CDKN2D: variants seen among roughly 807,000 people sequenced by gnomAD.
CDKN2D encodes the protein cyclin dependent kinase inhibitor 2D.
CDKN2D carries 3 observed loss-of-function variants against 4.7 expected under a neutral mutation model. The ratio of observed to expected loss-of-function variants is 0.64; its 90% CI spans 0.29 to 1.66. The LOEUF is 1.66. Among genes scored for constraint, CDKN2D ranks in the 40% most tolerant of loss-of-function variants. The pLI is 0.10. For missense variants in CDKN2D, 196 were observed against 230.9 expected (o/e 0.85, Z 0.98); for synonymous variants, 91 against 102.3 (o/e 0.89, Z 0.67).
Position 10,568,578 on chromosome 19 carries a change from G to A in CDKN2D, c.76C>T (p.Arg26Cys), listed in dbSNP as rs1328991261. 6.7e-7 allele frequency: 1 copy of A among 1,502,452 alleles called. No individual in the cohort carries two copies. Among genetic ancestry groups the A allele is most frequent in the Non-Finnish European group, 8.8e-7 (1 of 1,130,438 alleles). 93.1% of individuals were successfully genotyped at this position (1,502,452 alleles called of 1,614,324 possible). ...TGCACCAGCTCCCGGTGCAGAAGGC[G>A]GCGCACCTCCTGCACGTCGCCCCGG... ...AARGDVQEVR[R>C]LLHRELVHPD... Residue 26 changes from arginine (R) to cysteine (C), a missense_variant, in exon 1 of 2, where the codon CGC (arginine) becomes TGC (cysteine). Transcript: ENST00000393599.
Position 10,567,402 on chromosome 19 carries a change from T to C in CDKN2D, c.157A>G (p.Ser53Gly). Residue 53 changes from serine (S) to glycine (G), a missense_variant, in exon 2 of 2, where the codon AGC becomes GGC. Coordinates refer to ENST00000393599, the MANE Select transcript of CDKN2D (RefSeq NM_001800.4). ...AGCAGCTCCAGGGCGATGGCGGTGC[T>C]GCCAAACATCATGACCTGTGTGAGG... ...KTALQVMMFG[S>G]TAIALELLKQ... 1.2e-6 allele frequency: 2 copies of C among 1,613,420 alleles called. No homozygotes were observed. Among genetic ancestry groups the C allele is most frequent in the Non-Finnish European group, 1.7e-6 (2 of 1,179,642 alleles).
At chr19:10,567,513 C>T in intron 1 of CDKN2D, 96 bp from the exon 2 acceptor site, 1 of 1,397,344 alleles carries the variant, frequency 7.2e-7, no homozygotes, top group Non-Finnish European at 9.7e-7. Context: ...AGAGGCATCT[C>T]CCAGAAACAG....
rs182837231 is a variant in CDKN2D at position 10,566,790 on chromosome 19, G to C, written c.*268C>G. On this transcript the variant is annotated 3_prime_UTR_variant, in exon 2 of 2. Transcript: ENST00000393599. ...TTGGGTCTCGTCTGAGGCCCCAGCA[G>C]CCTGAGGCGCAGAAGAAACTGAACC... 3 of 450,682 alleles carry C rather than the reference G, an allele frequency of 6.7e-6. No individual in the cohort carries two copies. Among genetic ancestry groups the C allele is most frequent in the African/African-American group, 1.9e-5 (1 of 51,546 alleles). 27.9% of individuals were successfully genotyped at this position (450,682 alleles called of 1,614,324 possible). A position where few individuals can be genotyped will look rare whatever the true frequency, so the allele number is the denominator to read the frequency against.
Position 10,566,871 on chromosome 19 carries a change from T to C in CDKN2D, c.*187A>G. 1 of 587,770 alleles carries C rather than the reference T, an allele frequency of 1.7e-6. No individual in the cohort carries two copies. Among genetic ancestry groups the C allele is most frequent in the South Asian group, 2.1e-5 (1 of 46,724 alleles). The allele number at this position is 587,770 out of a possible 1,614,324, so 36.4% of individuals were successfully genotyped here. Reference sequence around the variant, plus strand: ...TCTCTGTCCAACACACCAAAAGGAGTGAGAAAAACAAATGAGAAACGTCCC... The same window carrying C: ...TCTCTGTCCAACACACCAAAAGGAGCGAGAAAAACAAATGAGAAACGTCCC... On this transcript the variant is annotated 3_prime_UTR_variant, in exon 2 of 2. Transcript: ENST00000393599.
rs1395533464 is a variant in CDKN2D, at chr19:10,567,157, G to C, written c.402C>G (p.Arg134=). Residue 134 remains arginine, a synonymous_variant, in exon 2 of 2, where the codon CGC becomes CGG. Coordinates refer to ENST00000393599, the MANE Select transcript of CDKN2D (RefSeq NM_001800.4). Reference sequence around the variant, plus strand: ...AGGGTGTGAGACCCCTGGCGTCCCTGCGATGGAGATCAGATTCAGCTGCCA... The same window carrying C: ...AGGGTGTGAGACCCCTGGCGTCCCTCCGATGGAGATCAGATTCAGCTGCCA... ...SFLAAESDLH[R]RDARGLTPLE... The C allele has an allele frequency of 6.2e-7, 1 of 1,614,142 alleles. No individual in the cohort carries two copies. Among genetic ancestry groups the C allele is most frequent in the South Asian group, 1.1e-5 (1 of 91,084 alleles).
Position 10,568,874 on chromosome 19 carries a change from G to A in CDKN2D, c.-221C>T, listed in dbSNP as rs947175875. The A allele has an allele frequency of 3.6e-6, 1 of 281,436 alleles. No individual in the cohort carries two copies. The highest frequency in any genetic ancestry group is 6.5e-6 in the Non-Finnish European group (1 of 152,844). The allele number at this position is 281,436 out of a possible 1,614,324, so 17.4% of individuals were successfully genotyped here. On this transcript the variant is annotated 5_prime_UTR_variant, in exon 1 of 2. Coordinates refer to ENST00000393599, the MANE Select transcript of CDKN2D (RefSeq NM_001800.4). ...AGGACGGCGAGGGGCTGGGAGCCGGGCCCAACCCTCGGCCGCCCGCGGGGC... is the reference window on the plus strand; with the variant it reads ...AGGACGGCGAGGGGCTGGGAGCCGGACCCAACCCTCGGCCGCCCGCGGGGC...
Position 10,567,424 on chromosome 19 carries a change from G to C in CDKN2D, c.142-7C>G. On this transcript the variant is annotated splice_region_variant and splice_polypyrimidine_tract_variant and intron_variant, in intron 1 of 1. Coordinates refer to ENST00000393599, the MANE Select transcript of CDKN2D (RefSeq NM_001800.4). Reference sequence around the variant, plus strand: ...TGCTGCCAAACATCATGACCTGTGTGAGGGACAGAGGATCAGGAGGTCCTC... The same window carrying C: ...TGCTGCCAAACATCATGACCTGTGTCAGGGACAGAGGATCAGGAGGTCCTC... 1 of 1,607,132 alleles carries C rather than the reference G, an allele frequency of 6.2e-7. No homozygotes were observed. The highest frequency in any genetic ancestry group is 8.5e-7 in the Non-Finnish European group (1 of 1,175,332).
rs1916980714 is a variant in CDKN2D, at chr19:10,568,895, G to T, written c.-242C>A. On this transcript the variant is annotated 5_prime_UTR_variant, in exon 1 of 2. Coordinates refer to ENST00000393599, the MANE Select transcript of CDKN2D (RefSeq NM_001800.4). ...CCGGGCCCAACCCTCGGCCGCCCGC[G>T]GGGCCCTGCCCGGCGCCCGCCCCTT... 4.1e-6 allele frequency: 1 copy of T among 246,588 alleles called. No individual in the cohort carries two copies. The highest frequency in any genetic ancestry group is 7.8e-6 in the Non-Finnish European group (1 of 128,830). 15.3% of individuals were successfully genotyped at this position (246,588 alleles called of 1,614,324 possible). A position where few individuals can be genotyped will look rare whatever the true frequency, so the allele number is the denominator to read the frequency against.
chr19:10,567,263 T>A lies in CDKN2D; in HGVS notation c.296A>T (p.Asp99Val), dbSNP rs758474869. 1 of 1,614,160 alleles carries A rather than the reference T, an allele frequency of 6.2e-7. No individual in the cohort carries two copies. Among genetic ancestry groups the A allele is most frequent in the South Asian group, 1.1e-5 (1 of 91,084 alleles). Residue 99 changes from aspartate to valine, a missense_variant, in exon 2 of 2, where the codon GAT becomes GTT. By Grantham distance (152) the Asp-to-Val change is radical. Transcript: ENST00000393599. ...TLKVLVEHGA[D>V]VNVPDGTGAL... Reference sequence around the variant, plus strand: ...CCCGGTGCCATCAGGCACGTTGACATCAGCCCCGTGCTCCACTAGGACCTT... The same window carrying A: ...CCCGGTGCCATCAGGCACGTTGACAACAGCCCCGTGCTCCACTAGGACCTT...
chr19:10,567,498 CAGAA>C, intron 1 of CDKN2D, 81 bp from the exon 2 acceptor site: 1 of 1,456,310 alleles, frequency 6.9e-7, no homozygotes, highest in East Asian at 2.3e-5. Context: ...AAGGGTCATC[CAGAA>C]AGAGGCATCT....
chr19:10,568,053 C>T (rs542125034), intron 1 of CDKN2D, among the ~76,000 whole-genome samples: 11 of 152,178 alleles, frequency 7.2e-5, no homozygotes, highest in African/African-American at 2.6e-4. Context: ...TCCGCATAAC[C>T]TTTAGGAATG....
chr19:10,568,512 C>T lies in CDKN2D; in HGVS notation c.141+1G>A. 1 of 1,425,650 alleles carries T rather than the reference C, an allele frequency of 7.0e-7. No individual in the cohort carries two copies. 88.3% of individuals were successfully genotyped at this position (1,425,650 alleles called of 1,614,324 possible). A position where few individuals can be genotyped will look rare whatever the true frequency, so the allele number is the denominator to read the frequency against. ...CCCAACCTGGACCGGCCCGGCCTCA[C>T]CTGCAGCGCCGTCTTGCCGAAGCGG... On this transcript the variant is annotated splice_donor_variant, in intron 1 of 1. Coordinates refer to ENST00000393599, the MANE Select transcript of CDKN2D (RefSeq NM_001800.4). LOFTEE classifies it high-confidence loss of function.
intron 1 of CDKN2D, among the ~76,000 whole-genome samples, chr19:10,567,912 A>C (rs1916948040): frequency 1.3e-5 from 2 of 152,106 alleles, no homozygotes; most frequent in Admixed American, 1.3e-4. Context: ...AGCTCCTTTC[A>C]AGAAGCGGGA....
chr19:10,567,480 G>T, intron 1 of CDKN2D, 63 bp from the exon 2 acceptor site: 1 of 1,533,016 alleles, frequency 6.5e-7, no homozygotes, highest in Non-Finnish European at 8.8e-7. Flanking sequence ...AGGGGTCACT[G>T]GAAAGAGAAG....
intron 1 of CDKN2D, 30 bp from the exon 2 acceptor site, chr19:10,567,447 C>T (rs1314856081): frequency 1.3e-6 from 2 of 1,587,456 alleles, no homozygotes; most frequent in Non-Finnish European, 1.7e-6. Flanking sequence ...TCAGGAGGTC[C>T]TCAAGGGAGG....
chr19:10,567,531 T>C (rs1916934453), intron 1 of CDKN2D, 114 bp from the exon 2 acceptor site: 1 of 1,253,746 alleles, frequency 8.0e-7, no homozygotes, highest in African/African-American at 1.5e-5. Context: ...CAGGAAATGC[T>C]AGAGGAGGGG....
At position 10,567,056 on chromosome 19, in the gene CDKN2D, G is replaced by C. The variant is rs1476337501; in HGVS notation, c.*2C>G. 3 of 1,602,030 alleles carry C rather than the reference G, an allele frequency of 1.9e-6. No individual in the cohort carries two copies. Among genetic ancestry groups the C allele is most frequent in the Non-Finnish European group, 2.6e-6 (3 of 1,175,626 alleles). Reference sequence around the variant, plus strand: ...TCTCTTGCTGGAGAGGGTGACCCCAGATCACAGCGGGGCCACCATGTGGCC... The same window carrying C: ...TCTCTTGCTGGAGAGGGTGACCCCACATCACAGCGGGGCCACCATGTGGCC... On this transcript the variant is annotated 3_prime_UTR_variant, in exon 2 of 2. Transcript: ENST00000393599.
rs1276574284 is a variant in CDKN2D at position 10,567,349 on chromosome 19, C to A, written c.210G>T (p.Gln70His). Residue 70 changes from glutamine to histidine, a missense_variant, in exon 2 of 2, where the codon CAG becomes CAT. By Grantham distance (24) the Gln-to-His change is conservative (BLOSUM62 0). Coordinates refer to ENST00000393599, the MANE Select transcript of CDKN2D (RefSeq NM_001800.4). The stretch of plus-strand genomic sequence containing the variant: ...GGACTGGACTGGTACCGGAGGTGTC[C>A]TGGACATTGGGGCTGGCACCTTGCT... Reference protein sequence around the residue: ...LLKQGASPNVQDTSGTSPVHD... With the variant: ...LLKQGASPNVHDTSGTSPVHD... The A allele has an allele frequency of 6.2e-7, 1 of 1,614,144 alleles. No homozygotes were observed. Among genetic ancestry groups the A allele is most frequent in the Non-Finnish European group, 8.5e-7 (1 of 1,180,024 alleles).
rs1439745573 is a variant in CDKN2D at position 10,566,610 on chromosome 19, A to G, written c.*448T>C. 4.3e-5 allele frequency: 11 copies of G among 255,666 alleles called. No individual in the cohort carries two copies. The highest frequency in any genetic ancestry group is 9.5e-5 in the Admixed American group (2 of 20,966). The allele number at this position is 255,666 out of a possible 1,614,324, so 15.8% of individuals were successfully genotyped here. On this transcript the variant is annotated 3_prime_UTR_variant, in exon 2 of 2. Transcript: ENST00000393599. ...GCTTCCAACAGAATATGAATAACTC[A>G]TAACTCATTCTACCTTCTTATTGAT...
Sources: allele counts gnomAD v4.1 joint callset (sites outside exome capture counted in the v4.1 genomes callset), GRCh38; gene constraint gnomAD v4.1.1; transcripts MANE v1.5; gene names NCBI Gene and HGNC (gene_info 2026-07-23, HGNC 2026-07-21).